The following RWDD2B variants were observed in gnomAD, a reference collection of about 807,000 sequenced individuals.
RWDD2B encodes the protein RWD domain containing 2B.
Under a neutral mutation model 33.6 loss-of-function variants are expected in RWDD2B, and 36 were observed. That is an observed-to-expected ratio of 1.07 (90% CI 0.82 to 1.42). RWDD2B has a LOEUF of 1.42. RWDD2B is among the 40% of genes most tolerant of loss of function. The pLI, the probability that RWDD2B is intolerant of heterozygous loss-of-function variation, is 0.00. For missense variants in RWDD2B, 364 were observed against 377.5 expected (o/e 0.96, Z 0.30); for synonymous variants, 126 against 133.1 (o/e 0.95, Z 0.37).
chr21:29,008,593 C>T lies in RWDD2B; in HGVS notation c.96G>A (p.Glu32=), dbSNP rs759356237. Residue 32 remains glutamate, a synonymous_variant, in exon 2 of 5, where the codon GAG becomes GAA. Coordinates refer to ENST00000493196, the MANE Select transcript of RWDD2B (RefSeq NM_016940.3). ...QETYTCPKMI[E]MEQAEAQLAE... The stretch of plus-strand genomic sequence containing the variant: ...CAAGCTGGGCCTCCGCCTGCTCCAT[C>T]TCAATCATTTTTGGACATGTGTAAG... 6.2e-7 allele frequency: 1 copy of T among 1,613,546 alleles called. No homozygotes were observed. Among genetic ancestry groups the T allele is most frequent in the East Asian group, 2.2e-5 (1 of 44,892 alleles).
chr21:29,012,252 A>G (rs2084867615), intron 1 of RWDD2B, among the ~76,000 whole-genome samples: 1 of 151,084 alleles, frequency 6.6e-6, no homozygotes, highest in Non-Finnish European at 1.5e-5. Context: ...CTGCCCGGCC[A>G]CCACCCGGTC....
intron 1 of RWDD2B, among the ~76,000 whole-genome samples, chr21:29,009,225 C>T (rs1446426009): frequency 6.6e-6 from 1 of 152,030 alleles, no homozygotes; most frequent in Non-Finnish European, 1.5e-5. Flanking sequence ...GTAGCTAGGA[C>T]CACAGGTATG....
Position 29,008,292 on chromosome 21 carries a change from C to A in RWDD2B, c.310G>T (p.Ala104Ser), listed in dbSNP as rs2084839313. 6.2e-7 allele frequency: 1 copy of A among 1,614,106 alleles called. No homozygotes were observed. Among genetic ancestry groups the A allele is most frequent in the East Asian group, 2.2e-5 (1 of 44,888 alleles). ...GGGTATTTAAAGGGAAGAATACAGGCCAGAGAAAACATCGCCTGATTAAAG... is the reference window on the plus strand; with the variant it reads ...GGGTATTTAAAGGGAAGAATACAGGACAGAGAAAACATCGCCTGATTAAAG... Reference protein sequence around the residue: ...SDEKMAMFSLACILPFKYPAV... With the variant: ...SDEKMAMFSLSCILPFKYPAV... Residue 104 changes from alanine to serine, a missense_variant, in exon 3 of 5, where the codon GCC becomes TCC. Coordinates refer to ENST00000493196, the MANE Select transcript of RWDD2B (RefSeq NM_016940.3).
At chr21:29,010,060 C>T in intron 1 of RWDD2B, among the ~76,000 whole-genome samples, 1 of 152,100 alleles carries the variant, frequency 6.6e-6, no homozygotes, top group Non-Finnish European at 1.5e-5. Context: ...TTGATGGACA[C>T]TTGGGTTGTT....
chr21:29,007,858 C>T lies in RWDD2B; in HGVS notation c.628G>A (p.Ala210Thr). The T allele has an allele frequency of 2.5e-6, 4 of 1,614,230 alleles. No individual in the cohort carries two copies. The highest frequency in any genetic ancestry group is 1.6e-4 in the Middle Eastern group (1 of 6,062). The change falls in exon 4 of 5, where the codon GCA becomes ACA. Residue 210 changes from alanine (A) to threonine (T), a missense_variant. Ala to Thr is a moderately conservative substitution (Grantham distance 58). Coordinates refer to ENST00000493196, the MANE Select transcript of RWDD2B (RefSeq NM_016940.3). ...KCKRKNILEW[A>T]KELSLSGFSM... is the part of the protein sequence containing the mutation. The stretch of plus-strand genomic sequence containing the variant: ...AACCCAGACAGGGAAAGCTCCTTTG[C>T]CCACTCTAGAATATTCTTTCTTTTG...
chr21:29,012,211 G>A (rs1447602383), intron 1 of RWDD2B, among the ~76,000 whole-genome samples: 6 of 148,720 alleles, frequency 4.0e-5, no homozygotes, highest in Admixed American at 2.0e-4. Flanking sequence ...GCCTCTGCCC[G>A]GCCGCCCCTA....
At chr21:29,014,232 G>A (rs990749620) in intron 1 of RWDD2B, among the ~76,000 whole-genome samples, 1 of 152,128 alleles carries the variant, frequency 6.6e-6, no homozygotes, top group African/African-American at 2.4e-5. Flanking sequence ...CCAAATGCAT[G>A]CTTTTATCAG....
At chr21:29,011,549 G>A (rs2084859720) in intron 1 of RWDD2B, among the ~76,000 whole-genome samples, 1 of 148,672 alleles carries the variant, frequency 6.7e-6, no homozygotes, top group Non-Finnish European at 1.5e-5. Flanking sequence ...GGGGGGGTCA[G>A]CCCCCCGCCC....
chr21:29,012,745 C>T (rs1301010471), intron 1 of RWDD2B, among the ~76,000 whole-genome samples: 3 of 150,726 alleles, frequency 2.0e-5, no homozygotes, highest in South Asian at 2.1e-4. Flanking sequence ...TCCCCCTCTG[C>T]GAGAAACACC....
intron 1 of RWDD2B, among the ~76,000 whole-genome samples, chr21:29,012,452 C>T (rs1170704453): frequency 1.3e-5 from 2 of 152,048 alleles, no homozygotes; most frequent in African/African-American, 2.4e-5. Context: ...GCCTTGGGAT[C>T]CTGTAGATCT....
intron 4 of RWDD2B, 94 bp downstream of exon 4, chr21:29,007,667 C>T: frequency 1.4e-6 from 2 of 1,390,666 alleles, no homozygotes; most frequent in Non-Finnish European, 1.9e-6. Context: ...GTGTTGTCCA[C>T]TGTTGACCAA....
Position 29,015,230 on chromosome 21 carries a change from T to G in RWDD2B, c.67+3981A>C, listed in dbSNP as rs1180463493. Among the ~76,000 whole-genome samples, 4 of 139,028 alleles carry G rather than the reference T, an allele frequency of 2.9e-5. No individual in the cohort carries two copies. The Admixed American group carries it at 2.9e-4, about 10-fold the overall frequency. 91.2% of individuals were successfully genotyped at this position (139,028 alleles called of 152,430 possible). A position where few individuals can be genotyped will look rare whatever the true frequency, so the allele number is the denominator to read the frequency against. On this transcript the variant is annotated intron_variant, in intron 1 of 4. Transcript: ENST00000493196. ...AGAAGTTTGATTATGATGCGTTTTT[T>G]TTTTTTTTTTTTTTTTTGAGATGGG... is the stretch of plus-strand genomic sequence containing the variant.
intron 1 of RWDD2B, among the ~76,000 whole-genome samples, chr21:29,016,567 T>TC (rs958057352): frequency 6.6e-6 from 1 of 152,098 alleles, no homozygotes; most frequent in Non-Finnish European, 1.5e-5. Flanking sequence ...CCCGGCCTTT[T>TC]TTTTTTTAAA....
rs2084834786 is a variant in RWDD2B, at chr21:29,007,635, T to A, written c.725+126A>T. ...GGTTTCTATATGTGCTCCATTATAA[T>A]CTTATGGCATCACTGTTTTATGTGT... is the stretch of plus-strand genomic sequence containing the variant. On this transcript the variant is annotated intron_variant, in intron 4 of 4. Transcript: ENST00000493196. 3.1e-6 allele frequency: 3 copies of A among 970,072 alleles called. No individual in the cohort carries two copies. The Admixed American group carries it at 8.0e-5, about 26-fold the overall frequency. The allele number at this position is 970,072 out of a possible 1,614,324, so 60.1% of individuals were successfully genotyped here.
rs570561611 is a variant in RWDD2B at position 29,006,636 on chromosome 21, G to C, written c.741C>G (p.Asn247Lys). The C allele has an allele frequency of 1.3e-6, 2 of 1,598,254 alleles. No homozygotes were observed. The highest frequency in any genetic ancestry group is 8.5e-7 in the Non-Finnish European group (1 of 1,170,694). ...EEFWSRLRKL[N>K]WKRILIRHRE... ...GATGGCGAATTAAAATTCTCTTCCA[G>C]TTTAATTTTCTGAGTCTGAAAAGAA... The change falls in exon 5 of 5, where the codon AAC becomes AAG. Residue 247 changes from asparagine (N) to lysine (K), a missense_variant. By Grantham distance (94) the Asn-to-Lys change is moderately conservative (BLOSUM62 0). Transcript: ENST00000493196.
At chr21:29,008,343 A>G (rs1180728239) in intron 2 of RWDD2B, 36 bp from the exon 3 acceptor site, 2 of 1,611,990 alleles carry the variant, frequency 1.2e-6, no homozygotes, top group Admixed American at 1.7e-5. Context: ...GCACTAACCA[A>G]TGTTTTAAGT....
intron 1 of RWDD2B, among the ~76,000 whole-genome samples, chr21:29,018,616 A>C (rs1366971492): frequency 1.3e-5 from 2 of 152,150 alleles, no homozygotes; most frequent in Non-Finnish European, 2.9e-5. Flanking sequence ...CTGCCAAATT[A>C]TTTTCGCTTA....
At chr21:29,012,264 G>C (rs1290358898) in intron 1 of RWDD2B, among the ~76,000 whole-genome samples, 2 of 152,090 alleles carry the variant, frequency 1.3e-5, no homozygotes, top group Non-Finnish European at 2.9e-5. Flanking sequence ...CACCCGGTCT[G>C]GGTGGTGTAC....
Position 29,008,137 on chromosome 21 carries a change from T to C in RWDD2B, c.363-14A>G, listed in dbSNP as rs566077142. 12 of 1,610,446 alleles carry C rather than the reference T, an allele frequency of 7.5e-6. No homozygotes were observed. In the East Asian group the frequency reaches 2.0e-4, roughly 27 times the overall value. On this transcript the variant is annotated splice_polypyrimidine_tract_variant and intron_variant, in intron 3 of 4. Transcript: ENST00000493196. ...AATAATACTGATCTAATAGAAAAGA[T>C]ACAAGAAAAATATTGTCTTGGAACA...
Sources: allele counts gnomAD v4.1 joint callset (sites outside exome capture counted in the v4.1 genomes callset), GRCh38; gene constraint gnomAD v4.1.1; transcripts MANE v1.5; gene names NCBI Gene and HGNC (gene_info 2026-07-23, HGNC 2026-07-21).